ANGEL1: variants seen among roughly 807,000 people sequenced by gnomAD.
The protein encoded by ANGEL1 is RNA 2',3'-cyclic phosphatase ANGEL1.
Under a neutral mutation model 76.4 loss-of-function variants are expected in ANGEL1, and 62 were observed. That is an observed-to-expected ratio of 0.81 (90% CI 0.66 to 1.00). ANGEL1 has a LOEUF of 1.00. ANGEL1 is among the 50% of genes least tolerant of loss of function. The pLI is 0.00. For synonymous variants in ANGEL1, 340 were observed against 331.7 expected (o/e 1.03, Z -0.27); for missense variants, 737 against 836.7 (o/e 0.88, Z 1.47).
At chr14:76,790,020 C>A (rs1894355927) in intron 9 of ANGEL1, among the ~76,000 whole-genome samples, 1 of 152,040 alleles carries the variant, frequency 6.6e-6, no homozygotes, top group Non-Finnish European at 1.5e-5. Flanking sequence ...ACCGTCACCA[C>A]ACCCGGCTAA....
intron 7 of ANGEL1, among the ~76,000 whole-genome samples, chr14:76,791,725 T>A (rs1195194259): frequency 2.0e-5 from 3 of 152,188 alleles, no homozygotes; most frequent in Non-Finnish European, 4.4e-5. Context: ...TCAATTCCCC[T>A]CTCCAGAAGC....
In ANGEL1 at chr14:76,803,487, A is replaced by C. The variant is rs1405012521; in HGVS notation, c.1508-6T>G. The stretch of plus-strand genomic sequence containing the variant: ...TCGGCCATACTTGCGTCTCTCTGTA[A>C]ACCAGGAAAAGACATATAGTGAAAG... On this transcript the variant is annotated splice_region_variant and splice_polypyrimidine_tract_variant and intron_variant, in intron 6 of 9. Coordinates refer to ENST00000251089, the MANE Select transcript of ANGEL1 (RefSeq NM_015305.4). The C allele has an allele frequency of 6.2e-7, 1 of 1,613,726 alleles. No individual in the cohort carries two copies. The highest frequency in any genetic ancestry group is 8.5e-7 in the Non-Finnish European group (1 of 1,179,718).
chr14:76,792,663 G>A (rs1435493881), intron 7 of ANGEL1, among the ~76,000 whole-genome samples: 1 of 151,952 alleles, frequency 6.6e-6, no homozygotes, highest in African/African-American at 2.4e-5. Flanking sequence ...TAAACAGACA[G>A]AAGAAAAACA....
Position 76,803,916 on chromosome 14 carries a change from G to A in ANGEL1, c.1381-4C>T, listed in dbSNP as rs376409161. 6.2e-7 allele frequency: 1 copy of A among 1,614,106 alleles called. No individual in the cohort carries two copies. Among genetic ancestry groups the A allele is most frequent in the South Asian group, 1.1e-5 (1 of 91,072 alleles). ...AGAAGTCTTCCTGTCCAGATACCTG[G>A]GTGGAAAAAGAAGGGTGGGAATAAG... On this transcript the variant is annotated splice_polypyrimidine_tract_variant and splice_region_variant and intron_variant, in intron 5 of 9. Coordinates refer to ENST00000251089, the MANE Select transcript of ANGEL1 (RefSeq NM_015305.4).
intron 7 of ANGEL1, among the ~76,000 whole-genome samples, chr14:76,792,652 C>T (rs1035368152): frequency 1.3e-5 from 2 of 152,174 alleles, no homozygotes; most frequent in Non-Finnish European, 2.9e-5. Flanking sequence ...ACATGATTAT[C>T]TAAACAGACA....
intron 1 of ANGEL1, 89 bp downstream of exon 1, chr14:76,812,675 C>T: frequency 1.4e-6 from 2 of 1,402,772 alleles, no homozygotes; most frequent in South Asian, 1.5e-5. Context: ...TCGTGAGGCC[C>T]GGCCAACCGC....
intron 7 of ANGEL1, among the ~76,000 whole-genome samples, chr14:76,801,050 A>T (rs1329983542): frequency 1.3e-5 from 2 of 151,166 alleles, no homozygotes; most frequent in African/African-American, 4.9e-5. Flanking sequence ...TGCCCAAAAG[A>T]TTCTTTCATC....
intron 5 of ANGEL1, 46 bp from the exon 6 acceptor site, chr14:76,803,958 A>T (rs747133713): frequency 6.2e-7 from 1 of 1,614,094 alleles, no homozygotes; most frequent in Non-Finnish European, 8.5e-7. Context: ...AAGATAGAAA[A>T]AGGAAGTAAC....
At chr14:76,793,344 G>A (rs1244323035) in intron 7 of ANGEL1, among the ~76,000 whole-genome samples, 1 of 89,218 alleles carries the variant, frequency 1.1e-5, no homozygotes, top group Non-Finnish European at 2.3e-5. Flanking sequence ...AAGGGGAGAC[G>A]GGAAAGAGGA....
intron 1 of ANGEL1, among the ~76,000 whole-genome samples, chr14:76,809,862 AT>A (rs1369198965): frequency 3.9e-5 from 6 of 152,252 alleles, no homozygotes; most frequent in Admixed American, 1.3e-4. Flanking sequence ...GTGTTGACTA[AT>A]TTATATGGCA....
intron 7 of ANGEL1, among the ~76,000 whole-genome samples, chr14:76,798,946 CAAAAAAA>C (rs58535403): frequency 1.4e-5 from 1 of 73,806 alleles, no homozygotes; most frequent in Admixed American, 1.6e-4. Context: ...GACTCTGTCT[CAAAAAAA>C]AAAAAAAAAA....
Position 76,808,279 on chromosome 14 carries a change from T to C in ANGEL1, c.650-131A>G, listed in dbSNP as rs1056965791. ...ATCTTCCCTGTCACCCATCCCTCTC[T>C]GTGGGGAATTGATTTCTATGGACAT... On this transcript the variant is annotated intron_variant, in intron 2 of 9. Transcript: ENST00000251089. 21 of 723,838 alleles carry C rather than the reference T, an allele frequency of 2.9e-5. 1 individual carries two copies. The highest frequency in any genetic ancestry group is 5.3e-5 in the Admixed American group (2 of 37,998). The allele number at this position is 723,838 out of a possible 1,614,324, so 44.8% of individuals were successfully genotyped here. A position where few individuals can be genotyped will look rare whatever the true frequency, so the allele number is the denominator to read the frequency against.
chr14:76,804,427 C>T, intron 5 of ANGEL1: 1 of 997,742 alleles, frequency 1.0e-6, no homozygotes, highest in Non-Finnish European at 1.2e-6. Context: ...TGGGAACGGA[C>T]AAAACGTAGT....
intron 7 of ANGEL1, among the ~76,000 whole-genome samples, chr14:76,793,938 T>G (rs895184161): frequency 1.3e-5 from 2 of 152,066 alleles, no homozygotes; most frequent in African/African-American, 4.8e-5. Flanking sequence ...TATCTTAAGG[T>G]TTTTGAACCT....
At position 76,787,632 on chromosome 14, in the gene ANGEL1, A is replaced by T. The variant is rs996136091; in HGVS notation, c.*1596T>A. ...AGGCATGGAAAGCTTCTAACCATGA[A>T]TGCAGCAGCACAATGCAAACTGGGT... On this transcript the variant is annotated 3_prime_UTR_variant, in exon 10 of 10. Coordinates refer to ENST00000251089, the MANE Select transcript of ANGEL1 (RefSeq NM_015305.4). 2.6e-5 allele frequency: 4 copies of T among 152,666 alleles called. No individual in the cohort carries two copies. The highest frequency in any genetic ancestry group is 2.6e-4 in the Admixed American group (4 of 15,288). 9.5% of individuals were successfully genotyped at this position (152,666 alleles called of 1,614,324 possible).
chr14:76,790,838 T>C, intron 8 of ANGEL1, 64 bp from the exon 9 acceptor site: 1 of 1,470,410 alleles, frequency 6.8e-7, no homozygotes, highest in South Asian at 1.4e-5. Flanking sequence ...AGATCACTTT[T>C]TCTATGGGTT....
Position 76,806,423 on chromosome 14 carries a change from G to C in ANGEL1, c.1373C>G (p.Ala458Gly). 6.2e-7 allele frequency: 1 copy of C among 1,608,986 alleles called. No individual in the cohort carries two copies. The highest frequency in any genetic ancestry group is 2.2e-5 in the East Asian group (1 of 44,698). Reference sequence around the variant, plus strand: ...TGGCCTCTCCCATTTCACCTTCCAGGCTGGCATCCCATGGTACTGGAGCTC... The same window carrying C: ...TGGCCTCTCCCATTTCACCTTCCAGCCTGGCATCCCATGGTACTGGAGCTC... ...DGELQYHGMPAWKVSGQEDFS... is the reference protein window; with the variant it reads ...DGELQYHGMPGWKVSGQEDFS... Residue 458 changes from alanine (A) to glycine (G), a missense_variant, in exon 5 of 10, where the codon GCC becomes GGC. This residue lies in a region of ANGEL1 where 296 missense variants were observed against 387.2 expected (regional missense o/e 0.76). Transcript: ENST00000251089.
rs1895018215 is a variant in ANGEL1, at chr14:76,809,422, C to T, written c.286G>A (p.Asp96Asn). The T allele has an allele frequency of 6.2e-7, 1 of 1,614,116 alleles. No homozygotes were observed. The highest frequency in any genetic ancestry group is 1.7e-5 in the Admixed American group (1 of 60,018). The change falls in exon 2 of 10, where the codon GAT becomes AAT. Residue 96 changes from aspartate to asparagine, a missense_variant. By Grantham distance (23) the Asp-to-Asn change is conservative (BLOSUM62 1). Transcript: ENST00000251089. ...GCAGCATTCTCTTCTCCAGGATTAT[C>T]CATCAGAAGTGCCAGGCTGCTCTGG... ...LAQSSLALLM[D>N]NPGEENAASE...
At chr14:76,799,015 T>C (rs1336774467) in intron 7 of ANGEL1, among the ~76,000 whole-genome samples, 2 of 150,946 alleles carry the variant, frequency 1.3e-5, no homozygotes, top group African/African-American at 4.9e-5. Flanking sequence ...ATTATACACA[T>C]TGGATGGCAC....
Sources: allele counts gnomAD v4.1 joint callset (sites outside exome capture counted in the v4.1 genomes callset), GRCh38; gene constraint gnomAD v4.1.1; regional missense constraint gnomAD v4.1.1; transcripts MANE v1.5; gene names NCBI Gene and HGNC (gene_info 2026-07-23, HGNC 2026-07-21).